Variants in DNAH12 observed in about 807,000 individuals in gnomAD.
The protein encoded by DNAH12 is axonemal beta dynein heavy chain 12.
A neutral mutation model predicts 371.5 loss-of-function variants in DNAH12; 285 were observed. The observed-to-expected ratio is 0.77, with a 90% confidence interval of 0.70 to 0.85. The LOEUF is 0.85. DNAH12 is among the 40% of genes least tolerant of loss of function. DNAH12 has a pLI of 0.00. For synonymous variants in DNAH12, 1,200 were observed against 1,213.0 expected (o/e 0.99, Z 0.22); for missense variants, 3,611 against 3,689.4 (o/e 0.98, Z 0.55).
At chr3:57,419,549 A>G in intron 36 of DNAH12, 31 bp from the exon 37 acceptor site, 3 of 1,390,460 alleles carry the variant, frequency 2.2e-6, no homozygotes, top group Non-Finnish European at 2.8e-6. Flanking sequence ...TAAAATATTA[A>G]AACCATGTAC....
chr3:57,324,581 G>C (rs1452860975), intron 62 of DNAH12, among the ~76,000 whole-genome samples: 3 of 152,098 alleles, frequency 2.0e-5, no homozygotes, highest in African/African-American at 4.8e-5. Flanking sequence ...AAAAAGCCTG[G>C]GGGGAGGAGC....
At chr3:57,457,523 T>C (rs1173461816) in intron 22 of DNAH12, among the ~76,000 whole-genome samples, 198 bp downstream of exon 22, 1 of 152,200 alleles carries the variant, frequency 6.6e-6, no homozygotes, top group African/African-American at 2.4e-5. Context: ...CATAATACCT[T>C]TTCTCTTTTA....
chr3:57,503,935 A>G (rs1575698106), intron 9 of DNAH12, 81 bp downstream of exon 9: 1 of 1,061,404 alleles, frequency 9.4e-7, no homozygotes, highest in Non-Finnish European at 1.3e-6. Flanking sequence ...AAGAGTCATA[A>G]CATTGTATGT....
Position 57,293,718 on chromosome 3 carries a change from T to TA in DNAH12, c.*62dup, listed in dbSNP as rs1269117516. 4 of 1,468,550 alleles carry TA rather than the reference T, an allele frequency of 2.7e-6. No individual in the cohort carries two copies. In the Admixed American group the frequency reaches 7.1e-5, roughly 26 times the overall value. 91.0% of individuals were successfully genotyped at this position (1,468,550 alleles called of 1,614,324 possible). A position where few individuals can be genotyped will look rare whatever the true frequency, so the allele number is the denominator to read the frequency against. On this transcript the variant is annotated 3_prime_UTR_variant, in exon 74 of 74. Transcript: ENST00000495027. ...AAAACACTTGGTTTTATAATGTATATATTTTAAGTAGGACAGGTTTTTTTT... is the reference window on the plus strand; with the variant it reads ...AAAACACTTGGTTTTATAATGTATATAATTTTAAGTAGGACAGGTTTTTTTT...
chr3:57,428,839 C>T lies in DNAH12; in HGVS notation c.5065-18G>A. The T allele has an allele frequency of 6.6e-7, 1 of 1,506,020 alleles. No homozygotes were observed. The highest frequency in any genetic ancestry group is 8.8e-7 in the Non-Finnish European group (1 of 1,130,180). 93.3% of individuals were successfully genotyped at this position (1,506,020 alleles called of 1,614,324 possible). On this transcript the variant is annotated intron_variant, in intron 33 of 73. Coordinates refer to ENST00000495027, the MANE Select transcript of DNAH12 (RefSeq NM_001366028.2). ...GTGGCAGGCTAGAGAAAAAAGGCAA[C>T]TTTTTGCACTGTTGTTTTTATACCA...
At chr3:57,318,383 C>T (rs2061731936) in intron 65 of DNAH12, among the ~76,000 whole-genome samples, 1 of 152,080 alleles carries the variant, frequency 6.6e-6, no homozygotes, top group South Asian at 2.1e-4. Flanking sequence ...TGTGGATATG[C>T]AGTTTTCTCA....
chr3:57,314,635 T>C lies in DNAH12; in HGVS notation c.10525-4A>G. On this transcript the variant is annotated splice_region_variant and splice_polypyrimidine_tract_variant and intron_variant, in intron 65 of 73. Coordinates refer to ENST00000495027, the MANE Select transcript of DNAH12 (RefSeq NM_001366028.2). ...CAAACAGTAACTTCTCCCAGGCCTT[T>C]AATATAAAAAGTACATAACAAGAAA... 6.5e-7 allele frequency: 1 copy of C among 1,533,062 alleles called. No individual in the cohort carries two copies. Among genetic ancestry groups the C allele is most frequent in the Non-Finnish European group, 8.7e-7 (1 of 1,142,906 alleles). The allele number at this position is 1,533,062 out of a possible 1,614,324, so 95.0% of individuals were successfully genotyped here. A position where few individuals can be genotyped will look rare whatever the true frequency, so the allele number is the denominator to read the frequency against.
At chr3:57,491,744 T>C (rs2067132138) in intron 11 of DNAH12, among the ~76,000 whole-genome samples, 1 of 151,924 alleles carries the variant, frequency 6.6e-6, no homozygotes. Context: ...AAGATCAGCC[T>C]GAGCAACATA....
intron 12 of DNAH12, among the ~76,000 whole-genome samples, chr3:57,488,003 G>A (rs532852372): frequency 1.7e-4 from 26 of 151,436 alleles, no homozygotes; most frequent in Non-Finnish European, 3.1e-4. Flanking sequence ...ATATCTTCTC[G>A]TGTAGTATAC....
intron 8 of DNAH12, among the ~76,000 whole-genome samples, 166 bp from the exon 9 acceptor site, chr3:57,504,370 T>G (rs1415920572): frequency 2.0e-5 from 3 of 151,820 alleles, no homozygotes; most frequent in Non-Finnish European, 2.9e-5. Context: ...ACTATATATA[T>G]GTGTGTATAC....
Position 57,459,740 on chromosome 3 carries a change from C to T in DNAH12, c.2783G>A (p.Trp928Ter). The change falls in exon 20 of 74, where the codon TGG (tryptophan) becomes TAG (stop). Residue 928 changes from tryptophan (W) to a stop codon, truncating the protein, a stop_gained. Coordinates refer to ENST00000495027, the MANE Select transcript of DNAH12 (RefSeq NM_001366028.2). LOFTEE classifies it high-confidence loss of function. ...CAGCCATTGAGCTTGTACTTTTAAC[C>T]ATTCATCAATTGTTTCTTGTATTCG... is the stretch of plus-strand genomic sequence containing the variant. ...LIRIQETIDEWLKVQAQWLYL... is the reference protein window; with the variant it reads ...LIRIQETIDE The T allele has an allele frequency of 6.5e-7, 1 of 1,533,708 alleles. No individual in the cohort carries two copies. The highest frequency in any genetic ancestry group is 8.8e-7 in the Non-Finnish European group (1 of 1,134,836).
At chr3:57,390,304 T>C (rs2063588150) in intron 45 of DNAH12, among the ~76,000 whole-genome samples, 1 of 138,144 alleles carries the variant, frequency 7.2e-6, no homozygotes, top group Non-Finnish European at 1.6e-5. Context: ...TCCCAGCTAC[T>C]CTGGAGGCTG....
chr3:57,512,258 T>A (rs1393393011), intron 4 of DNAH12, among the ~76,000 whole-genome samples: 1 of 152,164 alleles, frequency 6.6e-6, no homozygotes, highest in African/African-American at 2.4e-5. Context: ...AAAACAAGTA[T>A]TGCATTATTC....
At chr3:57,420,908 CAAAAAAAAAAAA>C (rs369971376) in intron 36 of DNAH12, among the ~76,000 whole-genome samples, 1 of 78,016 alleles carries the variant, frequency 1.3e-5, no homozygotes, top group Non-Finnish European at 2.4e-5. Context: ...GACTCCGTCT[CAAAAAAAAAAAA>C]AAAAAAAAAA....
chr3:57,486,766 G>A (rs565509373), intron 12 of DNAH12, among the ~76,000 whole-genome samples: 1 of 152,204 alleles, frequency 6.6e-6, no homozygotes, highest in South Asian at 2.1e-4. Flanking sequence ...GTGGAAGTGA[G>A]CTATAATTGT....
rs782594182 is a variant in DNAH12 at position 57,402,474 on chromosome 3, T to A, written c.6948+835A>T. On this transcript the variant is annotated intron_variant, in intron 43 of 73. Coordinates refer to ENST00000495027, the MANE Select transcript of DNAH12 (RefSeq NM_001366028.2). The stretch of plus-strand genomic sequence containing the variant: ...TACTACTAAGACAACATTAATGCCA[T>A]CAACATCATCATCAGGTTCATGGTT... 1.6e-5 allele frequency: 20 copies of A among 1,266,524 alleles called. No homozygotes were observed. In the South Asian group the frequency reaches 2.2e-4, roughly 14 times the overall value. 78.5% of individuals were successfully genotyped at this position (1,266,524 alleles called of 1,614,324 possible).
intron 62 of DNAH12, among the ~76,000 whole-genome samples, chr3:57,331,580 G>C (rs959796831): frequency 6.6e-6 from 1 of 152,140 alleles, no homozygotes; most frequent in Non-Finnish European, 1.5e-5. Context: ...CCCAGAGACA[G>C]AGCATTAGAT....
chr3:57,554,167 A>G, the DNAH12 span, among the ~76,000 whole-genome samples: 2,776 of 106,968 alleles, frequency 0.026, 74 homozygotes, highest in African/African-American at 0.067. Flanking sequence ...CACACCTGTA[A>G]TCTCAGCTAC....
In DNAH12 at chr3:57,405,893, G is replaced by C. The variant is rs2064010755; in HGVS notation, c.6336C>G (p.Phe2112Leu). The C allele has an allele frequency of 3.9e-6, 6 of 1,551,146 alleles. No homozygotes were observed. Among genetic ancestry groups the C allele is most frequent in the East Asian group, 2.4e-5 (1 of 40,926 alleles). The change falls in exon 41 of 74, where the codon TTC becomes TTG. Residue 2112 changes from phenylalanine to leucine, a missense_variant. Around this residue, in one of 3 missense-constraint regions of DNAH12, gnomAD observed 2,266 missense variants for 2,236.9 expected, o/e 1.01. Transcript: ENST00000495027. ...LPTPTKSHYT[F>L]NLRDFSRVIR... ...TGACGCGTGAAAAATCACGCAAGTT[G>C]AAAGTATAATGGGATTTTGTGGGAG...
Sources: allele counts gnomAD v4.1 joint callset (sites outside exome capture counted in the v4.1 genomes callset), GRCh38; gene constraint gnomAD v4.1.1; regional missense constraint gnomAD v4.1.1; transcripts MANE v1.5; gene names NCBI Gene and HGNC (gene_info 2026-07-23, HGNC 2026-07-21).